The following SOX6 variants were observed in gnomAD, a reference collection of about 807,000 sequenced individuals.
The protein encoded by SOX6 is SRY-box transcription factor 6.
In SOX6, 11 loss-of-function variants were observed where a neutral mutation model predicts 97.8. The ratio of observed to expected loss-of-function variants is 0.11; its 90% CI spans 0.07 to 0.19. SOX6 has a LOEUF of 0.19. Among genes scored for constraint, SOX6 ranks in the 10% least tolerant of loss-of-function variants. SOX6 has a pLI of 1.00. For synonymous variants in SOX6, 360 were observed against 371.4 expected, an observed-to-expected ratio of 0.97 and a Z score of 0.35; for missense variants, 810 against 1,039.5, an observed-to-expected ratio of 0.78 and a Z score of 3.04.
At chr11:16,629,301 C>T (rs964668782) in intron 3 of SOX6, among the ~76,000 whole-genome samples, 3 of 152,100 alleles carry the variant, frequency 2.0e-5, no homozygotes, top group African/African-American at 7.2e-5. Flanking sequence ...ATTTTTACCA[C>T]GAAGCGATGT....
chr11:16,329,608 T>C (rs1856219181), intron 2 of SOX6, among the ~76,000 whole-genome samples: 2 of 152,170 alleles, frequency 1.3e-5, no homozygotes, highest in African/African-American at 4.8e-5. Flanking sequence ...CACCTTAATT[T>C]CCTTGTCTGC....
chr11:16,636,189 G>A (rs1312748155), intron 3 of SOX6, among the ~76,000 whole-genome samples: 1 of 152,214 alleles, frequency 6.6e-6, no homozygotes, highest in Non-Finnish European at 1.5e-5. Flanking sequence ...AAGCAGCTGG[G>A]AGGGGGGCTG....
intron 4 of SOX6, among the ~76,000 whole-genome samples, chr11:16,600,468 T>G (rs1848255446): frequency 6.6e-6 from 1 of 152,194 alleles, no homozygotes; most frequent in South Asian, 2.1e-4. Context: ...GTTTTAGGGT[T>G]TCATGTTCCC....
intron 3 of SOX6, among the ~76,000 whole-genome samples, chr11:16,678,192 TG>T (rs1160511006): frequency 1.2e-4 from 18 of 152,146 alleles, no homozygotes; most frequent in Admixed American, 4.6e-4. Flanking sequence ...ATGGTTAGTT[TG>T]GGTTTAGTTT....
chr11:16,651,955 C>T (rs1325591679), intron 3 of SOX6, among the ~76,000 whole-genome samples: 1 of 152,108 alleles, frequency 6.6e-6, no homozygotes, highest in Non-Finnish European at 1.5e-5. Context: ...ATCATTAGCA[C>T]TGCTATATAC....
At chr11:16,665,945 C>T (rs566519335) in intron 3 of SOX6, among the ~76,000 whole-genome samples, 1 of 152,208 alleles carries the variant, frequency 6.6e-6, no homozygotes, top group Non-Finnish European at 1.5e-5. Context: ...CAAGTTGGCA[C>T]ATCTGTAAGT....
intron 4 of SOX6, among the ~76,000 whole-genome samples, chr11:16,602,821 A>G (rs1456803255): frequency 6.6e-6 from 1 of 152,156 alleles, no homozygotes; most frequent in East Asian, 1.9e-4. Flanking sequence ...CAGGAGTTCA[A>G]CACCAGCCTG....
chr11:16,595,188 AT>A (rs547134267), intron 4 of SOX6, among the ~76,000 whole-genome samples: 10 of 150,356 alleles, frequency 6.7e-5, no homozygotes, highest in African/African-American at 1.5e-4. Flanking sequence ...AGATTTCATC[AT>A]TTTTTTTTCA....
At chr11:16,090,569 A>G (rs1848662770) in intron 9 of SOX6, among the ~76,000 whole-genome samples, 1 of 152,032 alleles carries the variant, frequency 6.6e-6, no homozygotes, top group Non-Finnish European at 1.5e-5. Flanking sequence ...TAAGAAGCCT[A>G]TCTAGAAAAG....
intron 4 of SOX6, among the ~76,000 whole-genome samples, chr11:16,583,164 C>T (rs546797773): frequency 1.9e-4 from 29 of 152,068 alleles, no homozygotes; most frequent in Non-Finnish European, 3.8e-4. Context: ...TATTTTTCAA[C>T]TGACACATAA....
chr11:16,621,189 CTTACAG>C (rs548661468), intron 3 of SOX6, among the ~76,000 whole-genome samples: 56 of 152,274 alleles, frequency 3.7e-4, no homozygotes, highest in Non-Finnish European at 7.6e-4. Context: ...ACAGTTAACA[CTTACAG>C]TTACACAAGG....
At chr11:15,986,176 C>G in intron 15 of SOX6, 28 bp downstream of exon 15, 1 of 1,602,384 alleles carries the variant, frequency 6.2e-7, no homozygotes, top group Non-Finnish European at 8.6e-7. Context: ...AAAGTAAAGC[C>G]CAGGTGGCTA....
chr11:16,660,752 C>T (rs868505440), intron 3 of SOX6, among the ~76,000 whole-genome samples: 1 of 152,128 alleles, frequency 6.6e-6, no homozygotes, highest in Non-Finnish European at 1.5e-5. Flanking sequence ...CCCAGACAGC[C>T]GCCTTGCCCT....
At chr11:16,569,409 T>C (rs1023452486) in intron 4 of SOX6, among the ~76,000 whole-genome samples, 23 of 152,310 alleles carry the variant, frequency 1.5e-4, no homozygotes, top group African/African-American at 5.3e-4. Context: ...CATCTAATTA[T>C]GTGTTAACAG....
chr11:16,112,039 A>G (rs1393966139), intron 6 of SOX6, 116 bp from the exon 7 acceptor site: 5 of 1,279,170 alleles, frequency 3.9e-6, no homozygotes, highest in Non-Finnish European at 2.2e-6. Flanking sequence ...CTCTAACCTC[A>G]TTCCAAATCT....
In SOX6 at chr11:16,329,951, A is replaced by G. The variant is rs543547905; in HGVS notation, c.237+11061T>C. ...AGTTATTCAATACATACTCACAGCT[A>G]TTACAGTACCTTTCTATCCTCTCTT... On this transcript the variant is annotated intron_variant, in intron 2 of 15. Coordinates refer to ENST00000683767, the MANE Select transcript of SOX6 (RefSeq NM_001367873.1). Among the ~76,000 whole-genome samples the G allele has an allele frequency of 6.6e-5, 10 of 152,290 alleles. No individual in the cohort carries two copies. In the East Asian group the frequency reaches 1.7e-3, roughly 26 times the overall value.
chr11:16,461,442 C>A (rs1565153419), intron 1 of SOX6, among the ~76,000 whole-genome samples: 1 of 152,122 alleles, frequency 6.6e-6, no homozygotes, highest in Non-Finnish European at 1.5e-5. Context: ...AATGCCTTAG[C>A]TTAGCCTTAT....
intron 1 of SOX6, among the ~76,000 whole-genome samples, chr11:16,424,877 T>C (rs1425363751): frequency 6.6e-6 from 1 of 152,184 alleles, no homozygotes. Flanking sequence ...GAAGGGGAGT[T>C]GGTGAGTGAA....
intron 12 of SOX6, among the ~76,000 whole-genome samples, chr11:16,019,830 C>T (rs747824225): frequency 3.3e-5 from 5 of 151,974 alleles, no homozygotes; most frequent in African/African-American, 7.2e-5. Context: ...GTATTCCTGA[C>T]GCAGAATTTT....
Sources: allele counts gnomAD v4.1 joint callset (sites outside exome capture counted in the v4.1 genomes callset), GRCh38; gene constraint gnomAD v4.1.1; transcripts MANE v1.5; gene names NCBI Gene and HGNC (gene_info 2026-07-23, HGNC 2026-07-21).